Variants in FGD5 observed in about 807,000 individuals in gnomAD.
The protein encoded by FGD5 is FYVE, RhoGEF and PH domain-containing protein 5.
FGD5 carries 28 observed loss-of-function variants against 133.4 expected under a neutral mutation model. The ratio of observed to expected loss-of-function variants is 0.21; its 90% CI spans 0.16 to 0.29. The LOEUF is 0.29. Ranked by LOEUF, FGD5 falls within the 10% of genes least tolerant of loss-of-function variation. FGD5 has a pLI of 1.00. For missense variants in FGD5, 1,858 were observed against 1,895.2 expected (o/e 0.98, Z 0.36); for synonymous variants, 810 against 776.5 (o/e 1.04, Z -0.72).
chr3:14,907,533 G>A (rs548695657), intron 9 of FGD5, 107 bp from the exon 10 acceptor site: 70 of 1,032,414 alleles, frequency 6.8e-5, no homozygotes, highest in Admixed American at 2.2e-4. Context: ...AGGCCTTTCC[G>A]GGCTTCATTT....
At chr3:14,897,817 C>T (rs1026723428) in intron 5 of FGD5, 122 bp from the exon 6 acceptor site, 2 of 1,465,272 alleles carry the variant, frequency 1.4e-6, no homozygotes, top group Non-Finnish European at 1.8e-6. Context: ...CAAAGTAAAA[C>T]AACTGTGCAA....
At chr3:14,878,977 G>A (rs963014089) in intron 2 of FGD5, among the ~76,000 whole-genome samples, 12 of 152,242 alleles carry the variant, frequency 7.9e-5, no homozygotes, top group African/African-American at 2.9e-4. Flanking sequence ...AAAGTGCTGG[G>A]ATTACAGGCG....
rs752788874 is a variant in FGD5 at position 14,917,597 on chromosome 3, T to C, written c.3489+265T>C. Among the ~76,000 whole-genome samples, 11 of 151,640 alleles carry C rather than the reference T, an allele frequency of 7.3e-5. No individual in the cohort carries two copies. The highest frequency in any genetic ancestry group is 1.5e-4 in the Non-Finnish European group (10 of 67,910). The stretch of plus-strand genomic sequence containing the variant: ...AAGGAAGGGAAGGAGGGGCATCCTA[T>C]GAGGAGGAAAATGCATAAGGAAGGG... On this transcript the variant is annotated intron_variant, in intron 12 of 19. Transcript: ENST00000285046. This position sits in a 1 kb window ranked among gnomAD's most constrained non-coding sequence, Gnocchi z 4.1.
intron 6 of FGD5, 40 bp downstream of exon 6, chr3:14,898,135 C>A (rs1477361074): frequency 3.1e-6 from 5 of 1,611,852 alleles, no homozygotes; most frequent in Non-Finnish European, 4.2e-6. Context: ...TGTAAGGATG[C>A]AGGGGTTGAG....
At chr3:14,830,594 A>G (rs1282290723) in intron 1 of FGD5, among the ~76,000 whole-genome samples, 1 of 152,212 alleles carries the variant, frequency 6.6e-6, no homozygotes, top group Non-Finnish European at 1.5e-5. Context: ...CTAATAGAAG[A>G]GAGTCTTATT....
upstream of FGD5, among the ~76,000 whole-genome samples, chr3:14,817,805 A>T (rs1486445164): frequency 1.3e-5 from 2 of 152,160 alleles, no homozygotes; most frequent in East Asian, 3.8e-4. Context: ...GGGAGTCCTA[A>T]TCTATGGGTG....
intron 4 of FGD5, among the ~76,000 whole-genome samples, chr3:14,886,998 ATGGG>A (rs1257123632): frequency 6.6e-6 from 1 of 152,182 alleles, no homozygotes; most frequent in African/African-American, 2.4e-5. Flanking sequence ...TTTGAGAAGG[ATGGG>A]CCCTCTGCTC....
Position 14,897,588 on chromosome 3 carries a change from G to A in FGD5, c.2828G>A (p.Arg943Lys), listed in dbSNP as rs2038161180. ...GACACATTGGCCCGGGAGGAGCTGA[G>A]GCAGGGCCTGAGTGAACTCCCAGCC... is the stretch of plus-strand genomic sequence containing the variant. ...GRDTLAREELRQGLSELPAIH... is the reference protein window; with the variant it reads ...GRDTLAREELKQGLSELPAIH... The change falls in exon 5 of 20, where the codon AGG becomes AAG. Residue 943 changes from arginine (R) to lysine (K), a missense_variant. Coordinates refer to ENST00000285046, the MANE Select transcript of FGD5 (RefSeq NM_152536.4). 2.5e-6 allele frequency: 4 copies of A among 1,604,958 alleles called. No individual in the cohort carries two copies. Among genetic ancestry groups the A allele is most frequent in the Non-Finnish European group, 3.4e-6 (4 of 1,175,866 alleles).
intron 1 of FGD5, among the ~76,000 whole-genome samples, chr3:14,860,906 G>A (rs1303882972): frequency 6.6e-6 from 1 of 152,150 alleles, no homozygotes; most frequent in Non-Finnish European, 1.5e-5. Flanking sequence ...TTGAACCCAG[G>A]AGGTTGAGGC....
chr3:14,847,239 G>A (rs779163297), intron 1 of FGD5, among the ~76,000 whole-genome samples: 2 of 152,202 alleles, frequency 1.3e-5, no homozygotes, highest in African/African-American at 2.4e-5. Context: ...ACTTTTCTAC[G>A]TGCTTTTCTG....
Position 14,812,018 on chromosome 3 carries a change from GTGTGTGTGTGTGTATGTA to G in FGD5, c.13+1167_13+1184del, listed in dbSNP as rs1178654938. On this transcript the variant is annotated intron_variant, in intron 1 of 1. Coordinates refer to the FGD5 transcript ENST00000640506. ...ATCCTGCTGGTGTGTGTGTGTGTGT[GTGTGTGTGTGTGTATGTA>G]TGTGTGTGTGTGTGTAGGATTTTTT... Among the ~76,000 whole-genome samples the G allele has an allele frequency of 2.3e-4, 22 of 97,270 alleles. No homozygotes were observed. The South Asian group carries it at 6.1e-3, about 27-fold the overall frequency. 63.8% of individuals were successfully genotyped at this position (97,270 alleles called of 152,430 possible). A position where few individuals can be genotyped will look rare whatever the true frequency, so the allele number is the denominator to read the frequency against.
intron 9 of FGD5, 51 bp from the exon 10 acceptor site, chr3:14,907,589 C>A: frequency 6.4e-7 from 1 of 1,551,110 alleles, no homozygotes; most frequent in Non-Finnish European, 8.9e-7. Context: ...GGAGATAAGA[C>A]GCCTGGTAGG....
At chr3:14,876,730 G>T (rs1330607563) in intron 2 of FGD5, among the ~76,000 whole-genome samples, 1 of 152,200 alleles carries the variant, frequency 6.6e-6, no homozygotes, top group Non-Finnish European at 1.5e-5. Context: ...CAGATATGTA[G>T]TTGGAAAAGG....
chr3:14,826,224 G>A (rs753056160), intron 1 of FGD5, among the ~76,000 whole-genome samples: 1 of 152,134 alleles, frequency 6.6e-6, no homozygotes, highest in Non-Finnish European at 1.5e-5. Context: ...ACATGTTGCT[G>A]CACTGGCTTT....
intron 7 of FGD5, among the ~76,000 whole-genome samples, chr3:14,899,611 A>T (rs1049375116): frequency 6.6e-6 from 1 of 152,254 alleles, no homozygotes; most frequent in Non-Finnish European, 1.5e-5. Flanking sequence ...AGAACTATTT[A>T]TTGAGCACCT....
chr3:14,907,138 G>A (rs1300494471), intron 9 of FGD5, among the ~76,000 whole-genome samples: 2 of 152,208 alleles, frequency 1.3e-5, no homozygotes, highest in African/African-American at 2.4e-5. Flanking sequence ...GGATTGTGGG[G>A]TGCTGTGCAG....
At chr3:14,891,100 C>T (rs1575235749) in intron 4 of FGD5, among the ~76,000 whole-genome samples, 1 of 152,190 alleles carries the variant, frequency 6.6e-6, no homozygotes, top group South Asian at 2.1e-4. Context: ...CATCAGTATA[C>T]AGGGCTGTTT....
intron 2 of FGD5, among the ~76,000 whole-genome samples, chr3:14,879,373 C>T (rs566640732): frequency 2.0e-5 from 3 of 152,340 alleles, no homozygotes; most frequent in African/African-American, 2.4e-5. Flanking sequence ...GTCTGATATC[C>T]GGCAGGTTTG....
At chr3:14,915,113 T>C (rs1380569018) in intron 11 of FGD5, among the ~76,000 whole-genome samples, 1 of 152,214 alleles carries the variant, frequency 6.6e-6, no homozygotes, top group African/African-American at 2.4e-5. Flanking sequence ...AAGCATTCCA[T>C]ACCTGGCCCC....
Sources: gnomAD v4.1 joint callset for allele counts (sites outside exome capture counted in the v4.1 genomes callset) on GRCh38, gnomAD v4.1.1 for gene constraint, Gnocchi (gnomAD v3.1) non-coding constraint, MANE v1.5 for transcripts, NCBI Gene and HGNC (gene_info 2026-07-23, HGNC 2026-07-21) for gene names.